Variants in PARP8 observed in about 807,000 individuals in gnomAD.
PARP8 encodes poly(ADP-ribose) polymerase family member 8.
In PARP8, 51 loss-of-function variants were observed where a neutral mutation model predicts 124.1. The observed-to-expected ratio is 0.41, with a 90% CI of 0.33 to 0.52. The LOEUF is 0.52. PARP8 is among the 20% of genes least tolerant of loss of function. The probability of loss-of-function intolerance (pLI) is 0.21; values close to 1 mark genes in which losing one functional copy is unlikely to be tolerated. For missense variants in PARP8, 860 were observed against 1,018.9 expected (o/e 0.84, Z 2.12); for synonymous variants, 391 against 361.5 (o/e 1.08, Z -0.93).
At chr5:50,838,417 T>C (rs1323029675) in intron 25 of PARP8, among the ~76,000 whole-genome samples, 2 of 152,088 alleles carry the variant, frequency 1.3e-5, no homozygotes, top group African/African-American at 4.8e-5. Context: ...GCCTCCTTTG[T>C]GCAATGCAAG....
At chr5:50,782,060 G>A (rs913860726) in intron 9 of PARP8, among the ~76,000 whole-genome samples, 1 of 152,194 alleles carries the variant, frequency 6.6e-6, no homozygotes, top group African/African-American at 2.4e-5. Flanking sequence ...GCTGAGGGAG[G>A]AAGCCCTGCC....
chr5:50,837,019 T>C (rs1369435841), intron 25 of PARP8, among the ~76,000 whole-genome samples: 2 of 152,198 alleles, frequency 1.3e-5, no homozygotes, highest in Non-Finnish European at 2.9e-5. Context: ...ATTATTTCTT[T>C]TGAACTTTTA....
At chr5:50,715,354 C>T (rs1403351921) in intron 2 of PARP8, among the ~76,000 whole-genome samples, 1 of 151,986 alleles carries the variant, frequency 6.6e-6, no homozygotes, top group Non-Finnish European at 1.5e-5. Context: ...TGGATAAGTT[C>T]CTATGAATTC....
intron 7 of PARP8, among the ~76,000 whole-genome samples, chr5:50,777,142 T>C (rs1295049944): frequency 6.6e-6 from 1 of 152,230 alleles, no homozygotes; most frequent in Non-Finnish European, 1.5e-5. Flanking sequence ...TATAGAGTGA[T>C]GATTGATAAG....
intron 25 of PARP8, among the ~76,000 whole-genome samples, chr5:50,841,479 G>A (rs1471189401): frequency 1.3e-5 from 2 of 151,826 alleles, no homozygotes; most frequent in African/African-American, 4.8e-5. Flanking sequence ...TAAGAAAAAA[G>A]GGCAGCACTG....
intron 5 of PARP8, among the ~76,000 whole-genome samples, chr5:50,761,542 A>C (rs184634331): frequency 1.3e-5 from 2 of 152,202 alleles, no homozygotes; most frequent in Non-Finnish European, 2.9e-5. Flanking sequence ...CTGAAGGTAT[A>C]ATTGATTATA....
intron 14 of PARP8, among the ~76,000 whole-genome samples, chr5:50,801,547 T>C (rs1743231280): frequency 6.6e-6 from 1 of 152,256 alleles, no homozygotes; most frequent in African/African-American, 2.4e-5. Flanking sequence ...TTAGTGATAC[T>C]CTTTGTTTCA....
intron 2 of PARP8, among the ~76,000 whole-genome samples, chr5:50,670,484 T>G (rs1749882892): frequency 6.6e-6 from 1 of 152,266 alleles, no homozygotes; most frequent in Admixed American, 6.5e-5. Flanking sequence ...ATAATAATTT[T>G]GTTCTACATT....
intron 3 of PARP8, among the ~76,000 whole-genome samples, chr5:50,755,963 C>A (rs529044602): frequency 1.3e-5 from 2 of 152,252 alleles, no homozygotes; most frequent in Non-Finnish European, 2.9e-5. Flanking sequence ...GGAGTTCACT[C>A]ATGATTTGGC....
intron 2 of PARP8, among the ~76,000 whole-genome samples, chr5:50,747,377 A>G (rs1372652734): frequency 6.6e-6 from 1 of 152,046 alleles, no homozygotes; most frequent in Non-Finnish European, 1.5e-5. Flanking sequence ...AGCTCAGTAT[A>G]TGATCTATCT....
At chr5:50,703,201 G>A (rs974261185) in intron 2 of PARP8, among the ~76,000 whole-genome samples, 15 of 151,848 alleles carry the variant, frequency 9.9e-5, no homozygotes, top group Non-Finnish European at 1.9e-4. Context: ...CTTGGGAGGC[G>A]GAGGTGGGGA....
intron 2 of PARP8, among the ~76,000 whole-genome samples, chr5:50,721,916 C>A (rs1419297875): frequency 6.6e-6 from 1 of 151,938 alleles, no homozygotes; most frequent in Non-Finnish European, 1.5e-5. Context: ...ATACTCTGTT[C>A]TTCTTTTTAT....
intron 2 of PARP8, among the ~76,000 whole-genome samples, chr5:50,681,054 T>C (rs1751236451): frequency 6.6e-6 from 1 of 152,140 alleles, no homozygotes; most frequent in South Asian, 2.1e-4. Context: ...ATGTAGATAT[T>C]TTCCCTAGTA....
At chr5:50,708,557 C>T (rs1273030983) in intron 2 of PARP8, among the ~76,000 whole-genome samples, 3 of 152,024 alleles carry the variant, frequency 2.0e-5, no homozygotes, top group Non-Finnish European at 2.9e-5. Context: ...TATCCTACTA[C>T]TGTGCAGTGT....
chr5:50,705,668 C>T (rs557847903), intron 2 of PARP8, among the ~76,000 whole-genome samples: 22 of 152,086 alleles, frequency 1.4e-4, no homozygotes, highest in African/African-American at 5.1e-4. Context: ...GCCTGTAATC[C>T]CAGCTACTCG....
intron 2 of PARP8, among the ~76,000 whole-genome samples, chr5:50,687,739 C>T (rs1426936466): frequency 2.0e-5 from 3 of 152,060 alleles, no homozygotes; most frequent in African/African-American, 7.2e-5. Context: ...CAGGAAAACT[C>T]CCCCGTATAA....
intron 14 of PARP8, among the ~76,000 whole-genome samples, chr5:50,802,365 G>A (rs1743322417): frequency 6.6e-6 from 1 of 152,078 alleles, no homozygotes; most frequent in African/African-American, 2.4e-5. Flanking sequence ...CTAGACCGGA[G>A]TACAGTGGTG....
chr5:50,782,325 T>A (rs1740761146), intron 9 of PARP8, among the ~76,000 whole-genome samples: 1 of 152,212 alleles, frequency 6.6e-6, no homozygotes, highest in Non-Finnish European at 1.5e-5. Context: ...TTCTGTTAGG[T>A]ACTGGTTATG....
At position 50,667,143 on chromosome 5, in the gene PARP8, C is replaced by G; in HGVS notation, c.48C>G (p.Val16=). 1 of 1,596,362 alleles carries G rather than the reference C, an allele frequency of 6.3e-7. No individual in the cohort carries two copies. Among genetic ancestry groups the G allele is most frequent in the South Asian group, 1.1e-5 (1 of 90,984 alleles). Residue 16 remains valine, a synonymous_variant, in exon 1 of 26, where the codon GTC becomes GTG. Transcript: ENST00000281631. ...RQERIQKDID[V]VIQKSRAEKD... ...AGCGAATTCAGAAGGATATCGACGTCGTGATCCAGAAGTCCAGAGCTGAGA... is the reference window on the plus strand; with the variant it reads ...AGCGAATTCAGAAGGATATCGACGTGGTGATCCAGAAGTCCAGAGCTGAGA...
Sources: gnomAD v4.1 joint callset for allele counts (sites outside exome capture counted in the v4.1 genomes callset) on GRCh38, gnomAD v4.1.1 for gene constraint, MANE v1.5 for transcripts, NCBI Gene and HGNC (gene_info 2026-07-23, HGNC 2026-07-21) for gene names.